Variants in CNOT1 observed in about 807,000 individuals in gnomAD.
CNOT1 encodes CCR4-associated factor 1.
Under a neutral mutation model 273.8 loss-of-function variants are expected in CNOT1, and 15 were observed. That is an observed-to-expected ratio of 0.05 (90% CI 0.04 to 0.08). The LOEUF is 0.08. CNOT1 is among the 10% of genes least tolerant of loss of function. CNOT1 has a pLI of 1.00. For synonymous variants in CNOT1, 1,022 were observed against 1,005.5 expected, an observed-to-expected ratio of 1.02 and a Z score of -0.31; for missense variants, 1,644 against 2,912.2, an observed-to-expected ratio of 0.56 and a Z score of 10.02.
chr16:58,551,301 C>T (rs983152079), intron 23 of CNOT1, 29 bp from the exon 24 acceptor site: 1 of 1,542,792 alleles, frequency 6.5e-7, no homozygotes, highest in Non-Finnish European at 8.7e-7. Context: ...GTACATAAGG[C>T]AAATAAGTTG....
intron 1 of CNOT1, among the ~76,000 whole-genome samples, chr16:58,604,722 G>C (rs143666193): frequency 6.7e-6 from 1 of 150,006 alleles, no homozygotes; most frequent in Non-Finnish European, 1.5e-5. Context: ...GCTTGAACCC[G>C]GGAGGCAGAG....
At chr16:58,588,317 A>C (rs1024256897) in intron 3 of CNOT1, among the ~76,000 whole-genome samples, 5 of 152,180 alleles carry the variant, frequency 3.3e-5, no homozygotes, top group Admixed American at 6.5e-5. Context: ...AGGAACCAGG[A>C]AATAAAAAAA....
In CNOT1 at chr16:58,528,232, A is replaced by G. The variant is rs35090823; in HGVS notation, c.6453+243T>C. 1.7e-3 allele frequency: 953 copies of G among 563,780 alleles called. 1 individual carries two copies. The highest frequency in any genetic ancestry group is 2.3e-3 in the Non-Finnish European group (734 of 313,464). 34.9% of individuals were successfully genotyped at this position (563,780 alleles called of 1,614,324 possible). Reference sequence around the variant, plus strand: ...GGTTCTGTAAATAGAGCTAAATTTAATATCAAAATTAATATGAAAACTAGC... The same window carrying G: ...GGTTCTGTAAATAGAGCTAAATTTAGTATCAAAATTAATATGAAAACTAGC... On this transcript the variant is annotated intron_variant, in intron 44 of 48. Transcript: ENST00000317147.
intron 36 of CNOT1, 29 bp downstream of exon 36, chr16:58,538,743 C>T: frequency 6.2e-7 from 1 of 1,609,112 alleles, no homozygotes. Context: ...CAGTCCAATA[C>T]TCACTACTTT....
intron 2 of CNOT1, among the ~76,000 whole-genome samples, chr16:58,598,223 A>G (rs1415271663): frequency 6.6e-6 from 1 of 152,024 alleles, no homozygotes; most frequent in African/African-American, 2.4e-5. Context: ...ACATGGTTAA[A>G]CCTCATCTCT....
At chr16:58,534,596 T>C (rs372278443) in intron 39 of CNOT1, among the ~76,000 whole-genome samples, 2 of 152,206 alleles carry the variant, frequency 1.3e-5, no homozygotes, top group Non-Finnish European at 2.9e-5. Flanking sequence ...TTAAGTTTAA[T>C]GTAGAACAGG....
At chr16:58,528,439 A>G (rs1331373820) in intron 44 of CNOT1, 36 bp downstream of exon 44, 1 of 1,476,618 alleles carries the variant, frequency 6.8e-7, no homozygotes, top group Non-Finnish European at 9.4e-7. Flanking sequence ...TGAAATATTA[A>G]GACATAAGTT....
intron 25 of CNOT1, among the ~76,000 whole-genome samples, chr16:58,549,207 A>C (rs1055330011): frequency 4.6e-5 from 7 of 151,826 alleles, no homozygotes; most frequent in African/African-American, 1.5e-4. Flanking sequence ...GAACTGCTTG[A>C]ACCTGGGAGG....
At chr16:58,552,999 G>A (rs768486652) in intron 22 of CNOT1, among the ~76,000 whole-genome samples, 8 of 152,108 alleles carry the variant, frequency 5.3e-5, no homozygotes, top group Non-Finnish European at 1.0e-4. Context: ...TCAGGCGGGC[G>A]CGGTGGCTCA....
intron 46 of CNOT1, 62 bp downstream of exon 46, chr16:58,525,116 GT>G (rs2039543963): frequency 2.7e-6 from 4 of 1,466,382 alleles, no homozygotes; most frequent in Non-Finnish European, 2.8e-6. Context: ...TTACATTTTT[GT>G]GATCAGATTG....
At chr16:58,564,356 A>T (rs2040963763) in intron 16 of CNOT1, among the ~76,000 whole-genome samples, 1 of 129,180 alleles carries the variant, frequency 7.7e-6, no homozygotes, top group Admixed American at 7.6e-5. Context: ...AATTAAAAAG[A>T]AACTGTTCCA....
intron 16 of CNOT1, among the ~76,000 whole-genome samples, chr16:58,566,764 G>A (rs1036927582): frequency 1.3e-5 from 2 of 152,132 alleles, no homozygotes; most frequent in Non-Finnish European, 2.9e-5. Context: ...CTCCCGAGTA[G>A]CTGGGATTAC....
At position 58,554,730 on chromosome 16, in the gene CNOT1, G is replaced by A. The variant is rs777478673; in HGVS notation, c.2891+521C>T. Among the ~76,000 whole-genome samples, 5 of 151,428 alleles carry A rather than the reference G, an allele frequency of 3.3e-5. 1 individual carries two copies. Among genetic ancestry groups the A allele is most frequent in the African/African-American group, 4.9e-5 (2 of 41,164 alleles). On this transcript the variant is annotated intron_variant, in intron 21 of 48. Transcript: ENST00000317147. ...GTGGGTGGATCACCCGAGGTCAGGA[G>A]TTCAAGACCAGCCTGGCCAACATGG...
intron 1 of CNOT1, among the ~76,000 whole-genome samples, chr16:58,610,089 G>C (rs187139609): frequency 3.5e-4 from 53 of 152,256 alleles, no homozygotes; most frequent in African/African-American, 1.3e-3. Flanking sequence ...GCAGCTGTGT[G>C]TAAGAATTGG....
chr16:58,555,628 G>T, intron 20 of CNOT1, 91 bp from the exon 21 acceptor site: 1 of 1,542,212 alleles, frequency 6.5e-7, no homozygotes, highest in South Asian at 1.3e-5. Context: ...CTATTAAGTA[G>T]AACATTTACC....
At chr16:58,596,941 T>G (rs1171013722) in intron 2 of CNOT1, among the ~76,000 whole-genome samples, 1 of 146,258 alleles carries the variant, frequency 6.8e-6, no homozygotes, top group Admixed American at 6.9e-5. Flanking sequence ...AATATGTGGC[T>G]TACCCCAGAG....
At chr16:58,566,756 C>A (rs2041056629) in intron 16 of CNOT1, among the ~76,000 whole-genome samples, 1 of 152,170 alleles carries the variant, frequency 6.6e-6, no homozygotes, top group Admixed American at 6.5e-5. Flanking sequence ...ACCTCTGCCT[C>A]CCGAGTAGCT....
Position 58,547,127 on chromosome 16 carries a change from T to C in CNOT1, c.3750+59A>G. On this transcript the variant is annotated intron_variant, in intron 27 of 48. Coordinates refer to ENST00000317147, the MANE Select transcript of CNOT1 (RefSeq NM_016284.5). The surrounding 1 kb of genome is among the most constrained non-coding windows in gnomAD (Gnocchi z 4.0). ...CTAAGAATATAATCTCTTGACCTCA[T>C]GCTAAAACAAAGCAATGCTTAGAAA... The C allele has an allele frequency of 1.3e-6, 2 of 1,578,306 alleles. No individual in the cohort carries two copies. Among genetic ancestry groups the C allele is most frequent in the South Asian group, 2.4e-5 (2 of 84,784 alleles).
chr16:58,523,576 G>C, intron 46 of CNOT1, 74 bp from the exon 47 acceptor site: 1 of 1,436,466 alleles, frequency 7.0e-7, no homozygotes, highest in Admixed American at 2.0e-5. Context: ...AACTGGCTAG[G>C]GTTTGGGTTT....
Sources: allele counts gnomAD v4.1 joint callset (sites outside exome capture counted in the v4.1 genomes callset), GRCh38; gene constraint gnomAD v4.1.1; non-coding constraint Gnocchi (gnomAD v3.1); transcripts MANE v1.5; gene names NCBI Gene and HGNC (gene_info 2026-07-23, HGNC 2026-07-21).